The following NBAS variants were observed in gnomAD, a reference collection of about 807,000 sequenced individuals.
NBAS encodes the protein NAG/BC035112 fusion.
A neutral mutation model predicts 302.5 loss-of-function variants in NBAS; 219 were observed. That is an observed-to-expected ratio of 0.72 (90% CI 0.65 to 0.81). The LOEUF (loss-of-function observed/expected upper bound fraction) is 0.81. Among genes scored for constraint, NBAS ranks in the 30% least tolerant of loss-of-function variants. The pLI is 0.00. For missense variants in NBAS, 2,932 were observed against 2,841.6 expected (o/e 1.03, Z -0.72); for synonymous variants, 1,118 against 1,021.6 (o/e 1.09, Z -1.80).
intron 31 of NBAS, 137 bp downstream of exon 31, chr2:15,374,470 TA>T: frequency 1.4e-6 from 1 of 707,078 alleles, no homozygotes; most frequent in Non-Finnish European, 2.5e-6. Flanking sequence ...TCATTTAAAA[TA>T]ATGGGTCAAG....
chr2:15,294,658 G>A (rs1428917078), intron 40 of NBAS, among the ~76,000 whole-genome samples: 5 of 152,108 alleles, frequency 3.3e-5, no homozygotes, highest in Non-Finnish European at 5.9e-5. Flanking sequence ...GTGCACTGCC[G>A]TGGCCTGCTG....
At chr2:15,366,469 T>TA in intron 32 of NBAS, 111 bp downstream of exon 32, 4 of 1,057,464 alleles carry the variant, frequency 3.8e-6, no homozygotes, top group Non-Finnish European at 5.8e-6. Context: ...CCCTGTCTAA[T>TA]AAAAAAGCTG....
chr2:14,833,409 C>A, the NBAS span, among the ~76,000 whole-genome samples: 1 of 152,102 alleles, frequency 6.6e-6, no homozygotes, highest in Non-Finnish European at 1.5e-5. Context: ...ATAAATTTCT[C>A]TGAGACTCAT....
intron 9 of NBAS, among the ~76,000 whole-genome samples, chr2:15,523,056 C>A (rs968707829): frequency 6.6e-6 from 1 of 152,186 alleles, no homozygotes; most frequent in African/African-American, 2.4e-5. Context: ...ACCTATGGCA[C>A]ATATCGAGCA....
chr2:15,462,455 G>A lies in NBAS; in HGVS notation c.2098-664C>T, dbSNP rs573532337. ...CAAGTGTAGGTCTCCCTACTACAACGTATGACTTAGGGCTCATGTCTGCCA... is the reference window on the plus strand; with the variant it reads ...CAAGTGTAGGTCTCCCTACTACAACATATGACTTAGGGCTCATGTCTGCCA... On this transcript the variant is annotated intron_variant, in intron 19 of 51. Coordinates refer to ENST00000281513, the MANE Select transcript of NBAS (RefSeq NM_015909.4). Among the ~76,000 whole-genome samples the A allele has an allele frequency of 4.7e-5, 7 of 149,490 alleles. No homozygotes were observed. The South Asian group carries it at 1.1e-3, about 23-fold the overall frequency.
At chr2:14,957,309 G>GTGTGTGTGTA in the NBAS span, among the ~76,000 whole-genome samples, 202 of 144,630 alleles carry the variant, frequency 1.4e-3, no homozygotes, top group African/African-American at 4.2e-3. Context: ...GTGTGTGTGT[G>GTGTGTGTGTA]TAAAGTCCTG....
intron 48 of NBAS, among the ~76,000 whole-genome samples, chr2:15,216,702 A>C (rs1666668947): frequency 6.6e-6 from 1 of 152,220 alleles, no homozygotes; most frequent in Non-Finnish European, 1.5e-5. Flanking sequence ...ATTTATGAAG[A>C]GCTCGCGTTC....
chr2:14,785,744 G>T, the NBAS span, among the ~76,000 whole-genome samples: 2 of 152,116 alleles, frequency 1.3e-5, 1 homozygote, highest in Admixed American at 1.3e-4. Flanking sequence ...GAGGATTTTT[G>T]CATCAATGTT....
intron 28 of NBAS, among the ~76,000 whole-genome samples, chr2:15,387,586 G>A (rs78370468): frequency 6.6e-6 from 1 of 151,578 alleles, no homozygotes; most frequent in East Asian, 1.9e-4. Context: ...AAAATTATCA[G>A]TGTTTTAAGC....
At chr2:15,050,804 C>G in the NBAS span, among the ~76,000 whole-genome samples, 1 of 152,108 alleles carries the variant, frequency 6.6e-6, no homozygotes, top group Admixed American at 6.5e-5. Context: ...AGTTCTGTAA[C>G]CTGAGCCTGA....
intron 51 of NBAS, among the ~76,000 whole-genome samples, chr2:15,167,828 T>C (rs2125095894): frequency 6.6e-6 from 1 of 152,328 alleles, no homozygotes; most frequent in Admixed American, 6.5e-5. Context: ...TGTATCTTTC[T>C]TGAATATAAA....
intron 48 of NBAS, among the ~76,000 whole-genome samples, chr2:15,196,490 T>G (rs921824570): frequency 2.6e-5 from 4 of 152,092 alleles, no homozygotes; most frequent in Non-Finnish European, 4.4e-5. Flanking sequence ...TCTATAATTA[T>G]CTCAATAAAA....
Position 15,263,337 on chromosome 2 carries a change from G to A in NBAS, c.5724+12147C>T, listed in dbSNP as rs193157217. On this transcript the variant is annotated intron_variant, in intron 44 of 51. Transcript: ENST00000281513. ...TTGAACTCCTGGCCTCAAGCAATCC[G>A]CCCGCTTCAGCTTCCCAGAGTGTTG... Among the ~76,000 whole-genome samples, 1,138 of 152,152 alleles carry A rather than the reference G, an allele frequency of 7.5e-3. 6 individuals are homozygous for A. Among genetic ancestry groups the A allele is most frequent in the South Asian group, 0.027 (132 of 4,816 alleles).
the NBAS span, among the ~76,000 whole-genome samples, chr2:14,986,865 T>C: frequency 6.6e-6 from 1 of 152,092 alleles, no homozygotes; most frequent in Non-Finnish European, 1.5e-5. Context: ...ATTTGATCAA[T>C]ACAGGAGTTC....
At chr2:15,557,976 T>C (rs1020565176) in intron 2 of NBAS, among the ~76,000 whole-genome samples, 1 of 152,210 alleles carries the variant, frequency 6.6e-6, no homozygotes, top group African/African-American at 2.4e-5. Flanking sequence ...AAACACCACA[T>C]AGACCTCTTA....
At chr2:15,109,665 T>A in the NBAS span, among the ~76,000 whole-genome samples, 1 of 152,216 alleles carries the variant, frequency 6.6e-6, no homozygotes, top group East Asian at 1.9e-4. Flanking sequence ...TGATTCTCCT[T>A]GTCTTCTCAC....
chr2:15,018,403 T>C, the NBAS span, among the ~76,000 whole-genome samples: 1 of 151,948 alleles, frequency 6.6e-6, no homozygotes, highest in Non-Finnish European at 1.5e-5. Flanking sequence ...ACCCCAAAAA[T>C]ACATACAATT....
the NBAS span, among the ~76,000 whole-genome samples, chr2:14,869,492 CTTCTT>C: frequency 6.4e-4 from 97 of 152,308 alleles, no homozygotes; most frequent in Non-Finnish European, 1.0e-3. Flanking sequence ...TTCTCTACTC[CTTCTT>C]TTATGTTTTA....
chr2:15,408,443 C>T (rs1033418024), intron 25 of NBAS, among the ~76,000 whole-genome samples: 1 of 151,910 alleles, frequency 6.6e-6, no homozygotes, highest in African/African-American at 2.4e-5. Flanking sequence ...TTACTGTTTC[C>T]TAAGTATGAT....
Sources: allele counts gnomAD v4.1 joint callset (sites outside exome capture counted in the v4.1 genomes callset), GRCh38; gene constraint gnomAD v4.1.1; transcripts MANE v1.5; gene names NCBI Gene and HGNC (gene_info 2026-07-23, HGNC 2026-07-21).